Variants in SLC38A4 observed in about 807,000 individuals in gnomAD.
SLC38A4 encodes sodium-coupled neutral amino acid transporter 4.
SLC38A4 carries 20 observed loss-of-function variants against 63.1 expected under a neutral mutation model. The observed-to-expected ratio is 0.32, with a 90% CI of 0.22 to 0.46. SLC38A4 has a LOEUF of 0.46. Among genes scored for constraint, SLC38A4 ranks in the 20% least tolerant of loss-of-function variants. SLC38A4 has a pLI of 1.00. For synonymous variants in SLC38A4, 230 were observed against 225.5 expected, an observed-to-expected ratio of 1.02 and a Z score of -0.18; for missense variants, 526 against 663.6, an observed-to-expected ratio of 0.79 and a Z score of 2.28.
At chr12:46,827,784 AATGG>A (rs1939679352), upstream of SLC38A4, among the ~76,000 whole-genome samples, 1 of 152,032 alleles carries the variant, frequency 6.6e-6, no homozygotes, top group Non-Finnish European at 1.5e-5. Context: ...TTTTCCCTCA[AATGG>A]AAAGATAAGA....
At chr12:46,776,534 G>T (rs1372001721) in intron 13 of SLC38A4, among the ~76,000 whole-genome samples, 2 of 152,012 alleles carry the variant, frequency 1.3e-5, no homozygotes, top group Non-Finnish European at 2.9e-5. Context: ...TATTTGTGTG[G>T]CAGGTAATAA....
At chr12:46,819,455 TA>T (rs1939500483) in intron 1 of SLC38A4, among the ~76,000 whole-genome samples, 1 of 151,936 alleles carries the variant, frequency 6.6e-6, no homozygotes, top group South Asian at 2.1e-4. Flanking sequence ...CTGTACCAAT[TA>T]TTAAATACCA....
intron 7 of SLC38A4, 137 bp from the exon 8 acceptor site, chr12:46,780,167 G>T: frequency 1.5e-6 from 1 of 662,580 alleles, no homozygotes; most frequent in African/African-American, 1.8e-5. Flanking sequence ...ATTTGGCACT[G>T]CTTCCAAGTT....
At chr12:46,812,371 C>CT (rs2120894521) in intron 1 of SLC38A4, among the ~76,000 whole-genome samples, 1 of 152,112 alleles carries the variant, frequency 6.6e-6, no homozygotes, top group East Asian at 1.9e-4. Flanking sequence ...TGTCTTGAAA[C>CT]TGTCTGTTCA....
At chr12:46,824,717 A>T (rs956921204) in intron 1 of SLC38A4, among the ~76,000 whole-genome samples, 10 of 152,244 alleles carry the variant, frequency 6.6e-5, no homozygotes, top group Non-Finnish European at 2.9e-5. Context: ...CGATGAAAAT[A>T]TAGAGATGGA....
chr12:46,812,990 A>T (rs1939369755), intron 1 of SLC38A4, among the ~76,000 whole-genome samples: 1 of 152,018 alleles, frequency 6.6e-6, no homozygotes, highest in African/African-American at 2.4e-5. Context: ...TCCTGTTTTT[A>T]ATCAATTAGT....
upstream of SLC38A4, among the ~76,000 whole-genome samples, chr12:46,829,461 G>C (rs900662709): frequency 5.4e-5 from 8 of 149,462 alleles, no homozygotes; most frequent in African/African-American, 7.4e-5. Context: ...AAAAAAAAAG[G>C]AGGGTTAAGG....
intron 1 of SLC38A4, among the ~76,000 whole-genome samples, chr12:46,817,418 CT>C (rs1212970602): frequency 1.3e-5 from 2 of 151,696 alleles, no homozygotes; most frequent in Admixed American, 6.6e-5. Flanking sequence ...CAGGGAGAAA[CT>C]TCTGATAACT....
chr12:46,821,018 C>A (rs1317699459), intron 1 of SLC38A4, among the ~76,000 whole-genome samples: 1 of 151,688 alleles, frequency 6.6e-6, no homozygotes. Context: ...TTTTTTAAAT[C>A]ATGTTATTTG....
At chr12:46,814,071 G>A (rs981710847) in intron 1 of SLC38A4, among the ~76,000 whole-genome samples, 1 of 151,820 alleles carries the variant, frequency 6.6e-6, no homozygotes, top group Non-Finnish European at 1.5e-5. Flanking sequence ...TTATTGTGAG[G>A]GTTAAATGAT....
chr12:46,786,777 A>G (rs1453849335), intron 5 of SLC38A4, among the ~76,000 whole-genome samples: 1 of 152,198 alleles, frequency 6.6e-6, no homozygotes, highest in Non-Finnish European at 1.5e-5. Flanking sequence ...AAGCACTAAC[A>G]CAATACAAAT....
chr12:46,793,792 C>T (rs1938943812), intron 2 of SLC38A4, among the ~76,000 whole-genome samples: 1 of 152,122 alleles, frequency 6.6e-6, no homozygotes, highest in South Asian at 2.1e-4. Flanking sequence ...ACCTCTGGGT[C>T]AGCATTACTC....
Position 46,812,021 on chromosome 12 carries a change from T to C in SLC38A4, c.-304-8227A>G, listed in dbSNP as rs542272933. Among the ~76,000 whole-genome samples, 8 of 152,180 alleles carry C rather than the reference T, an allele frequency of 5.3e-5. No individual in the cohort carries two copies. The South Asian group carries it at 1.7e-3, about 32-fold the overall frequency. On this transcript the variant is annotated intron_variant, in intron 1 of 16. Transcript: ENST00000266579. Reference sequence around the variant, plus strand: ...TCAACTTGTCTTAATTATTTTAAAATCCACCTAAGTGAAGATCAATGCTTA... The same window carrying C: ...TCAACTTGTCTTAATTATTTTAAAACCCACCTAAGTGAAGATCAATGCTTA...
At position 46,785,305 on chromosome 12, in the gene SLC38A4, G is replaced by T. The variant is rs1565667800; in HGVS notation, c.327-128C>A. ...AGCTTTCCAAAAGTATGTGGATTTG[G>T]GGGAGGCTGAGAAATTCTTTTCAGA... On this transcript the variant is annotated intron_variant, in intron 5 of 16. Transcript: ENST00000266579. 6 of 714,826 alleles carry T rather than the reference G, an allele frequency of 8.4e-6. No homozygotes were observed. The East Asian group carries it at 1.7e-4, about 20-fold the overall frequency. 44.3% of individuals were successfully genotyped at this position (714,826 alleles called of 1,614,324 possible). A position where few individuals can be genotyped will look rare whatever the true frequency, so the allele number is the denominator to read the frequency against.
chr12:46,807,606 T>G (rs1305586093), intron 1 of SLC38A4, among the ~76,000 whole-genome samples: 2 of 152,016 alleles, frequency 1.3e-5, no homozygotes, highest in Non-Finnish European at 2.9e-5. Context: ...AATTCTTCAT[T>G]TTATTTCTCT....
chr12:46,772,539 T>C (rs1938440729), intron 14 of SLC38A4, among the ~76,000 whole-genome samples: 1 of 152,074 alleles, frequency 6.6e-6, no homozygotes, highest in Non-Finnish European at 1.5e-5. Flanking sequence ...TGCCATTCCA[T>C]AACTGATACC....
upstream of SLC38A4, among the ~76,000 whole-genome samples, chr12:46,827,050 T>C (rs1187839130): frequency 6.6e-6 from 1 of 152,104 alleles, no homozygotes; most frequent in Admixed American, 6.5e-5. Flanking sequence ...AGAGACAAAA[T>C]TGAGGGGAAA....
At chr12:46,826,717 C>A (rs1241738796), upstream of SLC38A4, among the ~76,000 whole-genome samples, 3 of 152,066 alleles carry the variant, frequency 2.0e-5, no homozygotes, top group Non-Finnish European at 4.4e-5. Context: ...AAGATCTGAG[C>A]CCAGGAAGCC....
At chr12:46,820,103 C>T (rs1939510891) in intron 1 of SLC38A4, among the ~76,000 whole-genome samples, 1 of 151,948 alleles carries the variant, frequency 6.6e-6, no homozygotes, top group East Asian at 1.9e-4. Context: ...TGTCTATACA[C>T]TTGTGAAACT....
Sources: allele counts gnomAD v4.1 joint callset (sites outside exome capture counted in the v4.1 genomes callset), GRCh38; gene constraint gnomAD v4.1.1; transcripts MANE v1.5; gene names NCBI Gene and HGNC (gene_info 2026-07-23, HGNC 2026-07-21).